The following RPL35 variants were observed in gnomAD, a reference collection of about 807,000 sequenced individuals.
The protein encoded by RPL35 is large ribosomal subunit protein uL29.
Under a neutral mutation model 15.6 loss-of-function variants are expected in RPL35, and 2 were observed. The observed-to-expected ratio is 0.13, with a 90% CI of 0.05 to 0.40. RPL35 has a LOEUF of 0.40. RPL35 is among the 10% of genes least tolerant of loss of function. The pLI is 0.99. For missense variants in RPL35, 111 were observed against 164.7 expected, an observed-to-expected ratio of 0.67 and a Z score of 1.79; for synonymous variants, 93 against 67.9, an observed-to-expected ratio of 1.37 and a Z score of -1.82.
intron 3 of RPL35, 135 bp from the exon 4 acceptor site, chr9:124,858,202 A>C: frequency 2.2e-4 from 1 of 4,642 alleles, no homozygotes; most frequent in East Asian, 4.5e-4. Context: ...CAGGCCACAC[A>C]TGTCACTAAC....
intron 1 of RPL35, 176 bp downstream of exon 1, chr9:124,861,734 G>A (rs1829200908): frequency 1.5e-6 from 2 of 1,314,680 alleles, no homozygotes; most frequent in Non-Finnish European, 2.1e-6. Context: ...CCAGGCCCGG[G>A]CCGCGCGCCT....
rs775695542 is a variant in RPL35, at chr9:124,861,571, A to T, written c.4-16T>A. On this transcript the variant is annotated splice_polypyrimidine_tract_variant and intron_variant, in intron 1 of 3. Transcript: ENST00000348462. ...TGATCTTGGCCTGCGCGCAAGAGAGAGTGTGCCTCAGCCAGGCCGCGGGGC... is the reference window on the plus strand; with the variant it reads ...TGATCTTGGCCTGCGCGCAAGAGAGTGTGTGCCTCAGCCAGGCCGCGGGGC... The T allele has an allele frequency of 9.3e-6, 15 of 1,612,564 alleles. No individual in the cohort carries two copies. The highest frequency in any genetic ancestry group is 1.3e-5 in the African/African-American group (1 of 74,896).
chr9:124,861,738 C>G, intron 1 of RPL35, 172 bp downstream of exon 1: 2 of 1,309,564 alleles, frequency 1.5e-6, no homozygotes, highest in Non-Finnish European at 2.1e-6. Flanking sequence ...GCCCGGGCCG[C>G]GCGCCTCTCC....
Position 124,861,445 on chromosome 9 carries a change from G to T in RPL35, c.114C>A (p.Gly38=). ...TCTTAGAGAGCTTGGAGGCCGCACC[G>T]CCTGTCACTTTGGCGACGCGCAGCT... The part of the protein sequence containing the change: ...LSQLRVAKVT[G]GAASKLSKIR... The change falls in exon 2 of 4, where the codon GGC becomes GGA. Residue 38 remains glycine, a synonymous_variant. Transcript: ENST00000348462. The T allele has an allele frequency of 6.2e-7, 1 of 1,613,642 alleles. No individual in the cohort carries two copies. Among genetic ancestry groups the T allele is most frequent in the Non-Finnish European group, 8.5e-7 (1 of 1,179,918 alleles).
rs200817885 is a variant in RPL35, at chr9:124,858,010, G to A, written c.280C>T (p.Arg94Trp). 48 of 1,612,182 alleles carry A rather than the reference G, an allele frequency of 3.0e-5. No homozygotes were observed. The highest frequency in any genetic ancestry group is 4.3e-4 in the Middle Eastern group (2 of 4,610). Residue 94 changes from arginine to tryptophan, a missense_variant, in exon 4 of 4, where the codon CGG becomes TGG. Coordinates refer to ENST00000348462, the MANE Select transcript of RPL35 (RefSeq NM_007209.4). ...RPKKTRAMRR[R>W]LNKHEENLKT... is the part of the protein sequence containing the mutation. The stretch of plus-strand genomic sequence containing the variant: ...AGGTTCTCCTCGTGCTTGTTGAGCC[G>A]GCGGCGCATGGCACGTGTCTTCTTA...
At chr9:124,858,389 G>C (rs1356689782) in intron 3 of RPL35, 1 of 661,642 alleles carries the variant, frequency 1.5e-6, no homozygotes, top group Non-Finnish European at 2.8e-6. Flanking sequence ...CCAGTCACGA[G>C]GACAGTCACA....
chr9:124,860,998 A>AT (rs1554764227), intron 2 of RPL35: 59 of 164,972 alleles, frequency 3.6e-4, no homozygotes, highest in East Asian at 5.5e-4. Context: ...CACCCATCTA[A>AT]TTTTTTTTTG....
At chr9:124,861,728 G>A (rs1829200769) in intron 1 of RPL35, 173 bp from the exon 2 acceptor site, 12 of 1,314,334 alleles carry the variant, frequency 9.1e-6, no homozygotes, top group Non-Finnish European at 1.2e-5. Context: ...AGTAACCCAG[G>A]CCCGGGCCGC....
Position 124,861,923 on chromosome 9 carries a change from G to T in RPL35, c.-11C>A. 2 of 1,599,144 alleles carry T rather than the reference G, an allele frequency of 1.3e-6. No homozygotes were observed. The highest frequency in any genetic ancestry group is 1.7e-6 in the Non-Finnish European group (2 of 1,173,782). On this transcript the variant is annotated 5_prime_UTR_variant, in exon 1 of 4. Coordinates refer to ENST00000348462, the MANE Select transcript of RPL35 (RefSeq NM_007209.4). ...CGCAGCTCTCACCATTGCTGCACAA[G>T]CCGCCAACGCCGCCGCCCGCTCCGA...
In RPL35 at chr9:124,861,894, AT is replaced by A; in HGVS notation, c.3+15del. ...CCTCACAGCGCTCGGATGGCGCCCG[AT>A]TCCGCAGCTCTCACCATTGCTGCAC... On this transcript the variant is annotated intron_variant, in intron 1 of 3. Coordinates refer to ENST00000348462, the MANE Select transcript of RPL35 (RefSeq NM_007209.4). 1 of 1,603,444 alleles carries A rather than the reference AT, an allele frequency of 6.2e-7. No individual in the cohort carries two copies. The highest frequency in any genetic ancestry group is 8.5e-7 in the Non-Finnish European group (1 of 1,176,044).
intron 2 of RPL35, chr9:124,861,043 AAACCCATGTT>A (rs1280513324): frequency 1.6e-5 from 3 of 189,986 alleles, no homozygotes; most frequent in African/African-American, 4.7e-5. Flanking sequence ...GATGAACTCC[AAACCCATGTT>A]CCTTTCACAA....
Position 124,858,171 on chromosome 9 carries a change from C to T in RPL35, c.223-104G>A, listed in dbSNP as rs997490305. The T allele has an allele frequency of 5.9e-5, 71 of 1,198,458 alleles. No homozygotes were observed. The South Asian group carries it at 9.3e-4, about 16-fold the overall frequency. 74.2% of individuals were successfully genotyped at this position (1,198,458 alleles called of 1,614,324 possible). A position where few individuals can be genotyped will look rare whatever the true frequency, so the allele number is the denominator to read the frequency against. On this transcript the variant is annotated intron_variant, in intron 3 of 3. Coordinates refer to ENST00000348462, the MANE Select transcript of RPL35 (RefSeq NM_007209.4). ...CCATCCAGAGCCACTCAGGAGGAGGCTGCCACCATGGGACTGCCAGCAGGC... is the reference window on the plus strand; with the variant it reads ...CCATCCAGAGCCACTCAGGAGGAGGTTGCCACCATGGGACTGCCAGCAGGC...
At chr9:124,858,811 C>G (rs959046030) in intron 3 of RPL35, among the ~76,000 whole-genome samples, 1 of 152,220 alleles carries the variant, frequency 6.6e-6, no homozygotes, top group Admixed American at 6.5e-5. Flanking sequence ...GACCCAGTCC[C>G]TGCTCAGGGG....
intron 1 of RPL35, 35 bp downstream of exon 1, chr9:124,861,874 CA>C: frequency 6.2e-7 from 1 of 1,601,572 alleles, no homozygotes; most frequent in Non-Finnish European, 8.5e-7. Context: ...CCGCGCCTCA[CA>C]GCGCTCGGAT....
At chr9:124,858,121 C>T (rs1055946629) in intron 3 of RPL35, 54 bp from the exon 4 acceptor site, 33 of 1,582,552 alleles carry the variant, frequency 2.1e-5, no homozygotes, top group Admixed American at 5.3e-5. Context: ...GGAGCTACTG[C>T]AGCAGCTAAG....
intron 3 of RPL35, among the ~76,000 whole-genome samples, chr9:124,859,855 T>C (rs574369511): frequency 1.5e-4 from 23 of 152,184 alleles, no homozygotes; most frequent in Non-Finnish European, 2.9e-4. Flanking sequence ...TGACACCCAG[T>C]GCCAGTAAGA....
chr9:124,858,053 C>T lies in RPL35; in HGVS notation c.237G>A (p.Lys79=), dbSNP rs148490706. 8.1e-6 allele frequency: 13 copies of T among 1,612,410 alleles called. No homozygotes were observed. The African/African-American group carries it at 1.6e-4, about 20-fold the overall frequency. Residue 79 remains lysine, a synonymous_variant, in exon 4 of 4, where the codon AAG becomes AAA. Transcript: ENST00000348462. The stretch of plus-strand genomic sequence containing the variant: ...TCTTCTTAGGCCGCAGGTCCAGGGG[C>T]TTGTACTTCTTGCCCTGGGAGACAG... The part of the protein sequence containing the change: ...LRKFYKGKKY[K]PLDLRPKKTR...
Position 124,861,903 on chromosome 9 carries a change from C to G in RPL35, c.3+7G>C, listed in dbSNP as rs747337251. On this transcript the variant is annotated splice_region_variant and intron_variant, in intron 1 of 3. Coordinates refer to ENST00000348462, the MANE Select transcript of RPL35 (RefSeq NM_007209.4). ...GCTCGGATGGCGCCCGATTCCGCAGCTCTCACCATTGCTGCACAAGCCGCC... is the reference window on the plus strand; with the variant it reads ...GCTCGGATGGCGCCCGATTCCGCAGGTCTCACCATTGCTGCACAAGCCGCC... 3 of 1,604,128 alleles carry G rather than the reference C, an allele frequency of 1.9e-6. No individual in the cohort carries two copies. The highest frequency in any genetic ancestry group is 2.3e-5 in the East Asian group (1 of 44,382).
Position 124,861,360 on chromosome 9 carries a change from G to C in RPL35, c.140+59C>G. On this transcript the variant is annotated intron_variant, in intron 2 of 3. Coordinates refer to ENST00000348462, the MANE Select transcript of RPL35 (RefSeq NM_007209.4). ...TAAGCCAACTTTGAAATCCTCCGAC[G>C]ATCCCGATGCACACGTGCTCCCCAC... 3.8e-6 allele frequency: 6 copies of C among 1,563,544 alleles called. 1 individual carries two copies. In the Admixed American group the frequency reaches 5.6e-5, roughly 15 times the overall value.
Sources: allele counts gnomAD v4.1 joint callset (sites outside exome capture counted in the v4.1 genomes callset), GRCh38; gene constraint gnomAD v4.1.1; transcripts MANE v1.5; gene names NCBI Gene and HGNC (gene_info 2026-07-23, HGNC 2026-07-21).